The following IL20RB variants were observed in gnomAD, a reference collection of about 807,000 sequenced individuals.
IL20RB encodes the protein interleukin-20 receptor subunit beta.
IL20RB carries 21 observed loss-of-function variants against 33.3 expected under a neutral mutation model. The ratio of observed to expected loss-of-function variants is 0.63; its 90% CI spans 0.45 to 0.91. The LOEUF (loss-of-function observed/expected upper bound fraction) is 0.91, where lower values mean the gene tolerates loss of function less well. IL20RB is among the 40% of genes least tolerant of loss of function. IL20RB has a pLI of 0.00. For missense variants in IL20RB, 345 were observed against 384.8 expected, an observed-to-expected ratio of 0.90 and a Z score of 0.86; for synonymous variants, 147 against 146.8, an observed-to-expected ratio of 1.00 and a Z score of -0.01.
At chr3:136,961,211 T>TTCTG (rs1274868508) in intron 1 of IL20RB, among the ~76,000 whole-genome samples, 1 of 152,226 alleles carries the variant, frequency 6.6e-6, no homozygotes, top group Non-Finnish European at 1.5e-5. Context: ...ATGTACCAGG[T>TTCTG]TCTGGGATGT....
chr3:136,966,050 T>A (rs1281008378), intron 1 of IL20RB, among the ~76,000 whole-genome samples: 2 of 114,474 alleles, frequency 1.7e-5, no homozygotes, highest in African/African-American at 7.5e-5. Context: ...TGAAGCCCAC[T>A]TGATCATGGT....
At chr3:137,007,959 T>C (rs1468540293) in intron 6 of IL20RB, among the ~76,000 whole-genome samples, 2 of 152,140 alleles carry the variant, frequency 1.3e-5, no homozygotes, top group Non-Finnish European at 2.9e-5. Flanking sequence ...CAAAACTATA[T>C]ATGGAAGGAA....
chr3:136,969,588 A>C (rs376928778), intron 1 of IL20RB, among the ~76,000 whole-genome samples: 208 of 148,506 alleles, frequency 1.4e-3, no homozygotes, highest in African/African-American at 4.6e-3. Flanking sequence ...TGGCCTGCGC[A>C]CACTGTCTGG....
At chr3:136,997,527 T>C (rs1255698285) in intron 6 of IL20RB, among the ~76,000 whole-genome samples, 1 of 152,140 alleles carries the variant, frequency 6.6e-6, no homozygotes, top group Non-Finnish European at 1.5e-5. Context: ...CATTATGATA[T>C]GTTCTTCTTT....
At chr3:137,009,358 A>G (rs1266358301) in intron 6 of IL20RB, among the ~76,000 whole-genome samples, 2 of 152,064 alleles carry the variant, frequency 1.3e-5, no homozygotes, top group Non-Finnish European at 2.9e-5. Context: ...TATAACTAGT[A>G]ATGATTGTGT....
At chr3:136,971,056 G>A (rs1315401579) in intron 1 of IL20RB, among the ~76,000 whole-genome samples, 3 of 152,176 alleles carry the variant, frequency 2.0e-5, no homozygotes, top group Non-Finnish European at 2.9e-5. Context: ...CATCACCTGA[G>A]TACAACACAT....
At chr3:136,972,368 C>G in intron 1 of IL20RB, among the ~76,000 whole-genome samples, 1 of 152,238 alleles carries the variant, frequency 6.6e-6, no homozygotes, top group East Asian at 1.9e-4. Context: ...TTGCAATAGT[C>G]TCAGGAGGAT....
intron 6 of IL20RB, among the ~76,000 whole-genome samples, chr3:137,008,226 A>G (rs940756817): frequency 2.0e-5 from 3 of 152,190 alleles, no homozygotes; most frequent in Admixed American, 6.5e-5. Context: ...CTTCATAGAA[A>G]GTGGAGTTTG....
intron 6 of IL20RB, among the ~76,000 whole-genome samples, chr3:137,007,375 C>T (rs1942370064): frequency 6.6e-6 from 1 of 152,186 alleles, no homozygotes; most frequent in Admixed American, 6.5e-5. Context: ...GCCTTTTGTT[C>T]AGCTATGCCC....
At chr3:136,991,213 G>A (rs903014371) in intron 4 of IL20RB, among the ~76,000 whole-genome samples, 1 of 152,110 alleles carries the variant, frequency 6.6e-6, no homozygotes, top group African/African-American at 2.4e-5. Context: ...CTCAAGTCAG[G>A]GTCTCTGCAC....
intron 1 of IL20RB, among the ~76,000 whole-genome samples, chr3:136,975,020 AT>A: frequency 6.6e-6 from 1 of 151,846 alleles, no homozygotes; most frequent in Non-Finnish European, 1.5e-5. Flanking sequence ...TGTTTTTCTG[AT>A]TTCTTTTTAT....
chr3:137,001,036 G>A (rs1164257246), intron 6 of IL20RB, among the ~76,000 whole-genome samples: 1 of 152,142 alleles, frequency 6.6e-6, no homozygotes, highest in Non-Finnish European at 1.5e-5. Context: ...AGGATTTCAG[G>A]TACACAAGAA....
In IL20RB at chr3:136,982,281, G is replaced by C; in HGVS notation, c.337G>C (p.Val113Leu). 1 of 1,611,282 alleles carries C rather than the reference G, an allele frequency of 6.2e-7. No individual in the cohort carries two copies. Among genetic ancestry groups the C allele is most frequent in the Non-Finnish European group, 8.5e-7 (1 of 1,177,824 alleles). ...ITATVPYNLR[V>L]RATLGSQTSA... ...GGCCACTGTGCCATACAACCTTCGT[G>C]TCAGGGCCACATTGGGCTCACAGAC... Residue 113 changes from valine (V) to leucine (L), a missense_variant, in exon 3 of 7, where the codon GTC (valine) becomes CTC (leucine). Coordinates refer to ENST00000329582, the MANE Select transcript of IL20RB (RefSeq NM_144717.4).
chr3:137,001,665 C>T (rs780248608), intron 6 of IL20RB, among the ~76,000 whole-genome samples: 4 of 152,176 alleles, frequency 2.6e-5, no homozygotes, highest in African/African-American at 2.4e-5. Context: ...TCTGTATGGA[C>T]GAAACATTTC....
intron 4 of IL20RB, among the ~76,000 whole-genome samples, chr3:136,990,181 A>T (rs144003063): frequency 2.0e-4 from 30 of 152,078 alleles, no homozygotes; most frequent in African/African-American, 6.3e-4. Context: ...CAGTATGAGG[A>T]GTGGAGCACG....
At position 137,001,448 on chromosome 3, in the gene IL20RB, C is replaced by T. The variant is rs1217657461; in HGVS notation, c.825+5892C>T. ...CTTGAGCTGTGAATCAATACTGCCACCTCCCCTCTCTCCGCTATGACTTTA... is the reference window on the plus strand; with the variant it reads ...CTTGAGCTGTGAATCAATACTGCCATCTCCCCTCTCTCCGCTATGACTTTA... On this transcript the variant is annotated intron_variant, in intron 6 of 6. Transcript: ENST00000329582. Among the ~76,000 whole-genome samples the T allele has an allele frequency of 3.9e-5, 6 of 152,180 alleles. No homozygotes were observed. In the South Asian group the frequency reaches 6.2e-4, roughly 16 times the overall value.
At chr3:136,983,931 G>A (rs1038546748) in intron 3 of IL20RB, among the ~76,000 whole-genome samples, 5 of 152,108 alleles carry the variant, frequency 3.3e-5, no homozygotes, top group African/African-American at 1.2e-4. Flanking sequence ...TGCCCTCCTG[G>A]GCTCAAGCGA....
intron 1 of IL20RB, among the ~76,000 whole-genome samples, chr3:136,963,459 A>G (rs1183007480): frequency 6.6e-6 from 1 of 152,134 alleles, no homozygotes; most frequent in Non-Finnish European, 1.5e-5. Context: ...TTAGTTTTGT[A>G]ACTTTGAAAA....
intron 5 of IL20RB, among the ~76,000 whole-genome samples, chr3:136,992,675 T>C (rs754590517): frequency 6.6e-6 from 1 of 152,228 alleles, no homozygotes; most frequent in Non-Finnish European, 1.5e-5. Flanking sequence ...TATAGCCTTT[T>C]AGTCTTTAAA....
Sources: allele counts gnomAD v4.1 joint callset (sites outside exome capture counted in the v4.1 genomes callset), GRCh38; gene constraint gnomAD v4.1.1; transcripts MANE v1.5; gene names NCBI Gene and HGNC (gene_info 2026-07-23, HGNC 2026-07-21).